SEC31B: variants seen among roughly 807,000 people sequenced by gnomAD.
SEC31B encodes SEC31 homolog B, COPII component, also known as protein transport protein Sec31B.
A neutral mutation model predicts 135.0 loss-of-function variants in SEC31B; 113 were observed. That is an observed-to-expected ratio of 0.84 (90% CI 0.72 to 0.98). SEC31B has a LOEUF of 0.98. SEC31B is among the 50% of genes least tolerant of loss of function. The pLI, the probability that SEC31B is intolerant of heterozygous loss-of-function variation, is 0.00. For synonymous variants in SEC31B, 508 were observed against 549.4 expected, an observed-to-expected ratio of 0.92 and a Z score of 1.05; for missense variants, 1,296 against 1,421.1, an observed-to-expected ratio of 0.91 and a Z score of 1.42.
At chr10:100,518,093 A>C (rs1348578987) in intron 1 of SEC31B, among the ~76,000 whole-genome samples, 1 of 152,224 alleles carries the variant, frequency 6.6e-6, no homozygotes, top group Non-Finnish European at 1.5e-5. Flanking sequence ...CTTCTAAAAT[A>C]AAAAATGATT....
chr10:100,506,854 C>A (rs1318178034), intron 7 of SEC31B, among the ~76,000 whole-genome samples: 2 of 152,198 alleles, frequency 1.3e-5, no homozygotes, highest in Non-Finnish European at 2.9e-5. Context: ...AATCCCAACA[C>A]TGTGCAAGGC....
At position 100,519,843 on chromosome 10, in the gene SEC31B, C is replaced by T. The variant is rs576677658; in HGVS notation, c.-107G>A. 6.6e-6 allele frequency: 1 copy of T among 152,390 alleles called. No homozygotes were observed. The highest frequency in any genetic ancestry group is 2.1e-4 in the South Asian group (1 of 4,832). 9.4% of individuals were successfully genotyped at this position (152,390 alleles called of 1,614,324 possible). On this transcript the variant is annotated 5_prime_UTR_variant, in exon 1 of 26. Transcript: ENST00000370345. The stretch of plus-strand genomic sequence containing the variant: ...GGCCGGAGCCGCTCCTCTGGCAGGG[C>T]TCTCGCGCGGAGCCGGGCGCTGTGG...
chr10:100,491,556 T>C (rs887159479), intron 19 of SEC31B, among the ~76,000 whole-genome samples: 6 of 152,344 alleles, frequency 3.9e-5, no homozygotes, highest in Non-Finnish European at 8.8e-5. Context: ...GAAAGTGGGA[T>C]TGATTCCAGG....
intron 3 of SEC31B, among the ~76,000 whole-genome samples, chr10:100,513,573 G>A (rs1351736290): frequency 6.6e-6 from 1 of 151,966 alleles, no homozygotes; most frequent in South Asian, 2.1e-4. Flanking sequence ...ACGTGCAAGC[G>A]ATTCTGGTGC....
chr10:100,508,822 C>T (rs922781940), intron 5 of SEC31B, 185 bp downstream of exon 5: 1 of 605,746 alleles, frequency 1.7e-6, no homozygotes, highest in Admixed American at 2.9e-5. Context: ...ACCCCATATA[C>T]ACCCTCCACC....
In SEC31B at chr10:100,498,057, A is replaced by G; in HGVS notation, c.1835T>C (p.Leu612Ser). 1.2e-6 allele frequency: 2 copies of G among 1,614,144 alleles called. No individual in the cohort carries two copies. The highest frequency in any genetic ancestry group is 1.7e-6 in the Non-Finnish European group (2 of 1,180,020). ...DLLKQTQERY[L>S]AKKKTKISSL... ...GGAGATTTTGGTTTTCTTCTTGGCCAAGTAGCGCTCCTGTGTTTGCTTCAG... is the reference window on the plus strand; with the variant it reads ...GGAGATTTTGGTTTTCTTCTTGGCCGAGTAGCGCTCCTGTGTTTGCTTCAG... Residue 612 changes from leucine to serine, a missense_variant, in exon 15 of 26, where the codon TTG becomes TCG. Coordinates refer to ENST00000370345, the MANE Select transcript of SEC31B (RefSeq NM_015490.4).
In SEC31B at chr10:100,498,029, CGAG is replaced by C. The variant is rs781549494; in HGVS notation, c.1860_1862del (p.Ser621del). The C allele has an allele frequency of 1.8e-5, 29 of 1,613,986 alleles. No individual in the cohort carries two copies. Among genetic ancestry groups the C allele is most frequent in the Middle Eastern group, 3.3e-4 (2 of 6,084 alleles). On this transcript the variant is annotated inframe_deletion and splice_region_variant, in exon 15 of 26. Coordinates refer to ENST00000370345, the MANE Select transcript of SEC31B (RefSeq NM_015490.4). ...CTTCTCCTGCATGATGGGCAGTTAC[CGAG>C]GAGATTTTGGTTTTCTTCTTGGCCA...
At chr10:100,500,062 A>G in intron 11 of SEC31B, 1 of 456,894 alleles carries the variant, frequency 2.2e-6, no homozygotes, top group Non-Finnish European at 4.4e-6. Context: ...TACAAGAGAT[A>G]TTGGCTCTTG....
intron 22 of SEC31B, 123 bp from the exon 23 acceptor site, chr10:100,489,521 G>C: frequency 7.3e-7 from 1 of 1,363,676 alleles, no homozygotes; most frequent in South Asian, 1.3e-5. Context: ...ACTGGGAAGT[G>C]AGGAGACTGG....
At chr10:100,502,149 G>T in intron 11 of SEC31B, 105 bp downstream of exon 11, 1 of 834,536 alleles carries the variant, frequency 1.2e-6, no homozygotes, top group Non-Finnish European at 1.9e-6. Context: ...TAAGGCCTCT[G>T]TGATCTGGGT....
chr10:100,497,102 T>C lies in SEC31B; in HGVS notation c.2136+33A>G, dbSNP rs769141963. ...CCACTAGCCTCCTAAGGGCCTGGTG[T>C]GGAGTGGCCAGTACCCTGCAGAGAA... On this transcript the variant is annotated intron_variant, in intron 17 of 25. Coordinates refer to ENST00000370345, the MANE Select transcript of SEC31B (RefSeq NM_015490.4). 1.9e-6 allele frequency: 3 copies of C among 1,607,330 alleles called. No individual in the cohort carries two copies. In the Admixed American group the frequency reaches 5.0e-5, roughly 27 times the overall value.
chr10:100,505,330 A>G, intron 10 of SEC31B, 31 bp downstream of exon 10: 1 of 1,611,014 alleles, frequency 6.2e-7, no homozygotes, highest in South Asian at 1.1e-5. Context: ...ACACACAAAC[A>G]CACACACACC....
At chr10:100,513,262 C>G (rs1851766505) in intron 3 of SEC31B, among the ~76,000 whole-genome samples, 1 of 152,238 alleles carries the variant, frequency 6.6e-6, no homozygotes, top group Admixed American at 6.5e-5. Flanking sequence ...GAAAAGAAAG[C>G]AGAGATAAAA....
chr10:100,487,700 C>T lies in SEC31B; in HGVS notation c.3456G>A (p.Ala1152=), dbSNP rs568725038. The T allele has an allele frequency of 4.6e-5, 74 of 1,613,898 alleles. No individual in the cohort carries two copies. The highest frequency in any genetic ancestry group is 2.8e-4 in the Admixed American group (17 of 60,010). Residue 1152 remains alanine (A), a synonymous_variant, in exon 26 of 26, where the codon GCG becomes GCA. Transcript: ENST00000370345. The stretch of plus-strand genomic sequence containing the variant: ...ACACCTCGCTGAAGCTGCTACAGCC[C>T]GCCACCTGGGCATGCACTGCAAGGC... ...EQGLAVHAQV[A]GCSSFSEVSS... is the part of the protein sequence containing the mutation.
Position 100,498,095 on chromosome 10 carries a change from C to A in SEC31B, c.1797G>T (p.Gly599=), listed in dbSNP as rs767692105. ...FADAIILAQA[G]GTDLLKQTQE... is the part of the protein sequence containing the mutation. The stretch of plus-strand genomic sequence containing the variant: ...GTGTTTGCTTCAGCAGATCTGTACC[C>A]CCAGCCTGGGCCAGGATAATGGCAT... The change falls in exon 15 of 26, where the codon GGG becomes GGT. Residue 599 remains glycine (G), a synonymous_variant. Transcript: ENST00000370345. 1.2e-6 allele frequency: 2 copies of A among 1,614,164 alleles called. No homozygotes were observed. Among genetic ancestry groups the A allele is most frequent in the Admixed American group, 1.7e-5 (1 of 60,026 alleles).
rs747490206 is a variant in SEC31B, at chr10:100,499,543, T to C, written c.1466A>G (p.Lys489Arg). The C allele has an allele frequency of 6.2e-7, 1 of 1,611,638 alleles. No individual in the cohort carries two copies. Among genetic ancestry groups the C allele is most frequent in the East Asian group, 2.2e-5 (1 of 44,870 alleles). Residue 489 changes from lysine (K) to arginine (R), a missense_variant, in exon 12 of 26, where the codon AAA becomes AGA. By Grantham distance (26) the Lys-to-Arg change is conservative. Transcript: ENST00000370345. ...MKFLKLLGYS[K>R]DELQKKVATW... is the part of the protein sequence containing the mutation. ...GCTTACCTTCTTCTGAAGCTCATCT[T>C]TACTGTATCCTAAAAGCTTTAGGAA... is the stretch of plus-strand genomic sequence containing the variant.
chr10:100,498,585 T>G, intron 14 of SEC31B, 120 bp downstream of exon 14: 6 of 707,356 alleles, frequency 8.5e-6, no homozygotes, highest in Non-Finnish European at 1.5e-5. Flanking sequence ...TCACTCAGCA[T>G]TTGAGACGGT....
At position 100,507,972 on chromosome 10, in the gene SEC31B, T is replaced by A; in HGVS notation, c.575A>T (p.Lys192Met). Residue 192 changes from lysine to methionine, a missense_variant, in exon 6 of 26, where the codon AAG becomes ATG. Physicochemically the swap from Lys to Met is moderately conservative, Grantham distance 95. Coordinates refer to ENST00000370345, the MANE Select transcript of SEC31B (RefSeq NM_015490.4). ...CTTCCTGAGATCCCACACAACTGCC[T>A]TGCCACTGGGGTGAGCAGAAGACAG... is the stretch of plus-strand genomic sequence containing the variant. Reference protein sequence around the residue: ...HILSSAHPSGKAVVWDLRKNE... With the variant: ...HILSSAHPSGMAVVWDLRKNE... 2 of 1,614,202 alleles carry A rather than the reference T, an allele frequency of 1.2e-6. No individual in the cohort carries two copies. The highest frequency in any genetic ancestry group is 2.2e-5 in the South Asian group (2 of 91,088).
Position 100,506,154 on chromosome 10 carries a change from C to T in SEC31B, c.930G>A (p.Gln310=). Reference sequence around the variant, plus strand: ...ACACTGAAGGGTCCCGAGGGCACCACTGCACATCAAAGCACCAGCTGCTCT... The same window carrying T: ...ACACTGAAGGGTCCCGAGGGCACCATTGCACATCAAAGCACCAGCTGCTCT... ...PTQSSWCFDV[Q]WCPRDPSVFS... Residue 310 remains glutamine, a synonymous_variant, in exon 9 of 26, where the codon CAG becomes CAA. Coordinates refer to ENST00000370345, the MANE Select transcript of SEC31B (RefSeq NM_015490.4). The T allele has an allele frequency of 6.2e-6, 10 of 1,614,226 alleles. No homozygotes were observed. Among genetic ancestry groups the T allele is most frequent in the Non-Finnish European group, 8.5e-6 (10 of 1,180,034 alleles).
Sources: gnomAD v4.1 joint callset for allele counts (sites outside exome capture counted in the v4.1 genomes callset) on GRCh38, gnomAD v4.1.1 for gene constraint, MANE v1.5 for transcripts, NCBI Gene and HGNC (gene_info 2026-07-23, HGNC 2026-07-21) for gene names.